Variants in KMO observed in about 807,000 individuals in gnomAD.
KMO encodes kynurenine 3-monooxygenase.
KMO carries 24 observed loss-of-function variants against 57.8 expected under a neutral mutation model. The observed-to-expected ratio is 0.42, with a 90% CI of 0.30 to 0.58. The LOEUF (loss-of-function observed/expected upper bound fraction) is 0.58, where lower values mean the gene tolerates loss of function less well. Among genes scored for constraint, KMO ranks in the 20% least tolerant of loss-of-function variants. The pLI, the probability that KMO is intolerant of heterozygous loss-of-function variation, is 0.22. For missense variants in KMO, 483 were observed against 588.2 expected (o/e 0.82, Z 1.85); for synonymous variants, 210 against 193.6 (o/e 1.08, Z -0.70).
intron 3 of KMO, chr1:241,550,192 G>C (rs1001320872): frequency 6.4e-6 from 1 of 155,428 alleles, no homozygotes; most frequent in Non-Finnish European, 1.4e-5. Flanking sequence ...AATCTGACTT[G>C]ACATGAGACT....
chr1:241,563,516 T>G (rs1315784399), intron 7 of KMO, among the ~76,000 whole-genome samples: 1 of 141,180 alleles, frequency 7.1e-6, no homozygotes, highest in Admixed American at 7.1e-5. Context: ...ATGGTCAAAA[T>G]GTATTCGCTA....
intron 5 of KMO, among the ~76,000 whole-genome samples, chr1:241,556,996 A>T (rs184035329): frequency 1.3e-5 from 2 of 152,032 alleles, no homozygotes; most frequent in East Asian, 3.9e-4. Context: ...GCATTTCCAT[A>T]ATCTCTGGGC....
At chr1:241,545,421 G>A (rs1354180908) in intron 1 of KMO, among the ~76,000 whole-genome samples, 2 of 152,088 alleles carry the variant, frequency 1.3e-5, no homozygotes, top group Admixed American at 6.5e-5. Context: ...TCAAGGTGTC[G>A]GCAGGGTTGG....
Position 241,595,252 on chromosome 1 carries a change from G to A in KMO, c.*3099G>A, listed in dbSNP as rs2147993338. On this transcript the variant is annotated 3_prime_UTR_variant, in exon 15 of 15. Transcript: ENST00000366559. Reference sequence around the variant, plus strand: ...CAAACATTGTTCTTCTCCGTGTCCTGGGTACAACATCGAATAATATTTCTT... The same window carrying A: ...CAAACATTGTTCTTCTCCGTGTCCTAGGTACAACATCGAATAATATTTCTT... 1 of 152,396 alleles carries A rather than the reference G, an allele frequency of 6.6e-6. No individual in the cohort carries two copies. Among genetic ancestry groups the A allele is most frequent in the Admixed American group, 6.5e-5 (1 of 15,296 alleles). The allele number at this position is 152,396 out of a possible 1,614,324, so 9.4% of individuals were successfully genotyped here.
chr1:241,589,997 C>A lies in KMO; in HGVS notation c.1099-15C>A. On this transcript the variant is annotated splice_polypyrimidine_tract_variant and intron_variant, in intron 12 of 14. Transcript: ENST00000366559. ...ATTTGTTCAAAAGCGTTCTTTAAGA[C>A]TGTCATTATTGCAGATGCGAGCACA... 2 of 1,596,036 alleles carry A rather than the reference C, an allele frequency of 1.3e-6. No individual in the cohort carries two copies. Among genetic ancestry groups the A allele is most frequent in the Non-Finnish European group, 1.7e-6 (2 of 1,163,640 alleles).
At chr1:241,583,093 G>C (rs1292964957) in intron 10 of KMO, among the ~76,000 whole-genome samples, 1 of 152,130 alleles carries the variant, frequency 6.6e-6, no homozygotes, top group South Asian at 2.1e-4. Context: ...AGAATTCCTT[G>C]GGTTACTAGG....
At chr1:241,581,618 A>G (rs532175284) in intron 10 of KMO, among the ~76,000 whole-genome samples, 9 of 151,426 alleles carry the variant, frequency 5.9e-5, no homozygotes, top group African/African-American at 2.2e-4. Flanking sequence ...AAAAAGAGAA[A>G]AGAAAAGAAA....
chr1:241,554,411 C>T (rs1166512948), intron 4 of KMO, among the ~76,000 whole-genome samples: 2 of 151,710 alleles, frequency 1.3e-5, no homozygotes, highest in African/African-American at 4.8e-5. Flanking sequence ...CTTCCTGTGA[C>T]TACAGGCACG....
intron 11 of KMO, among the ~76,000 whole-genome samples, chr1:241,588,534 T>C (rs1333572642): frequency 6.6e-6 from 1 of 152,094 alleles, no homozygotes; most frequent in Admixed American, 6.5e-5. Context: ...AGCAATAATA[T>C]AGATTAATTT....
At chr1:241,573,549 T>C (rs1359393201) in intron 10 of KMO, among the ~76,000 whole-genome samples, 1 of 152,178 alleles carries the variant, frequency 6.6e-6, no homozygotes, top group Non-Finnish European at 1.5e-5. Context: ...CCTCAATTTA[T>C]GTTTTTGTAT....
Position 241,562,345 on chromosome 1 carries a change from C to G in KMO, c.615+13C>G, listed in dbSNP as rs1343230429. The G allele has an allele frequency of 3.1e-6, 5 of 1,612,936 alleles. No individual in the cohort carries two copies. Among genetic ancestry groups the G allele is most frequent in the Non-Finnish European group, 4.2e-6 (5 of 1,179,240 alleles). ...TAAGAACGGAGATGTAAGTCCTTGC[C>G]CTTTTTCAACCCCTTCCCACAACCC... is the stretch of plus-strand genomic sequence containing the variant. On this transcript the variant is annotated intron_variant, in intron 7 of 14. Coordinates refer to ENST00000366559, the MANE Select transcript of KMO (RefSeq NM_003679.5).
At chr1:241,588,669 G>C (rs1039659148) in intron 11 of KMO, 79 bp from the exon 12 acceptor site, 2 of 956,968 alleles carry the variant, frequency 2.1e-6, no homozygotes, top group Admixed American at 1.9e-5. Flanking sequence ...GGTAGTGAAC[G>C]TACCATTTAA....
chr1:241,589,068 C>A (rs1663140717), intron 12 of KMO, among the ~76,000 whole-genome samples: 1 of 152,136 alleles, frequency 6.6e-6, no homozygotes, highest in Non-Finnish European at 1.5e-5. Context: ...TAGGAGGTAA[C>A]AAAACCTCTG....
At chr1:241,556,358 A>G (rs1301591930) in intron 5 of KMO, among the ~76,000 whole-genome samples, 1 of 151,746 alleles carries the variant, frequency 6.6e-6, no homozygotes, top group African/African-American at 2.4e-5. Flanking sequence ...TTGGTCTTGA[A>G]CTCCTGGCTC....
intron 6 of KMO, chr1:241,561,965 G>A (rs901835975): frequency 1.8e-6 from 1 of 564,420 alleles, no homozygotes; most frequent in Middle Eastern, 4.8e-4. Context: ...ATGGTGTTGT[G>A]CTATTCTCAT....
intron 10 of KMO, among the ~76,000 whole-genome samples, chr1:241,577,384 T>G (rs1662562197): frequency 1.3e-5 from 2 of 152,160 alleles, no homozygotes; most frequent in South Asian, 4.1e-4. Context: ...ATTTTTAAAT[T>G]TATTTTTGAT....
At chr1:241,552,814 A>G (rs1661459604) in intron 4 of KMO, among the ~76,000 whole-genome samples, 1 of 152,110 alleles carries the variant, frequency 6.6e-6, no homozygotes, top group South Asian at 2.1e-4. Context: ...TTTCTTTTGA[A>G]CTTTCTCCAA....
intron 10 of KMO, among the ~76,000 whole-genome samples, chr1:241,572,266 G>C (rs958826751): frequency 1.3e-5 from 2 of 152,052 alleles, no homozygotes; most frequent in Non-Finnish European, 2.9e-5. Context: ...CTTCTATCTT[G>C]TTACTTGTTA....
intron 5 of KMO, among the ~76,000 whole-genome samples, chr1:241,556,993 C>T (rs1661653359): frequency 6.6e-6 from 1 of 151,922 alleles, no homozygotes; most frequent in African/African-American, 2.4e-5. Flanking sequence ...AAGGCATTTC[C>T]ATAATCTCTG....
Sources: gnomAD v4.1 joint callset for allele counts (sites outside exome capture counted in the v4.1 genomes callset) on GRCh38, gnomAD v4.1.1 for gene constraint, MANE v1.5 for transcripts, NCBI Gene and HGNC (gene_info 2026-07-23, HGNC 2026-07-21) for gene names.